The following PKN3 variants were observed in gnomAD, a reference collection of about 807,000 sequenced individuals.
The protein encoded by PKN3 is serine/threonine-protein kinase N3.
A neutral mutation model predicts 113.1 loss-of-function variants in PKN3; 91 were observed. The observed-to-expected ratio is 0.80, with a 90% confidence interval of 0.68 to 0.96. PKN3 has a LOEUF of 0.96. Ranked by LOEUF, PKN3 falls within the 40% of genes least tolerant of loss-of-function variation. The pLI is 0.00. For synonymous variants in PKN3, 467 were observed against 499.0 expected (o/e 0.94, Z 0.85); for missense variants, 1,052 against 1,202.2 (o/e 0.88, Z 1.85).
At chr9:128,717,117 C>CTTTTTTTTTTTTTTTTTTTTTGTT (rs1862364771) in intron 16 of PKN3, among the ~76,000 whole-genome samples, 194 bp downstream of exon 16, 1 of 24,364 alleles carries the variant, frequency 4.1e-5, no homozygotes, top group Non-Finnish European at 8.1e-5. Flanking sequence ...CATTAGGTTT[C>CTTTTTTTTTTTTTTTTTTTTTGTT]TTTTTTTTTT....
At position 128,707,523 on chromosome 9, in the gene PKN3, G is replaced by T. The variant is rs574388871; in HGVS notation, c.835+118G>T. On this transcript the variant is annotated intron_variant, in intron 6 of 21. Transcript: ENST00000291906. ...AGTCCTGCCCCAGCACCCACTAGCA[G>T]CGTGACCTTGGCAAACTGACATTCC... is the stretch of plus-strand genomic sequence containing the variant. 9 of 821,312 alleles carry T rather than the reference G, an allele frequency of 1.1e-5. 1 individual carries two copies. The South Asian group carries it at 1.6e-4, about 15-fold the overall frequency. 50.9% of individuals were successfully genotyped at this position (821,312 alleles called of 1,614,324 possible).
Position 128,702,885 on chromosome 9 carries a change from G to A in PKN3, c.-31G>A, listed in dbSNP as rs1199495948. 6.8e-7 allele frequency: 1 copy of A among 1,477,674 alleles called. No individual in the cohort carries two copies. The highest frequency in any genetic ancestry group is 9.0e-7 in the Non-Finnish European group (1 of 1,108,108). 91.5% of individuals were successfully genotyped at this position (1,477,674 alleles called of 1,614,324 possible). ...CGGCTTCCGGGACCGGAGTGGCTGA[G>A]AGAAGGGCCCCAAGCGGCCGGAGCG... On this transcript the variant is annotated 5_prime_UTR_variant, in exon 1 of 22. Coordinates refer to ENST00000291906, the MANE Select transcript of PKN3 (RefSeq NM_013355.5).
Position 128,702,857 on chromosome 9 carries a change from C to A in PKN3, c.-59C>A. The A allele has an allele frequency of 7.8e-7, 1 of 1,287,728 alleles. No individual in the cohort carries two copies. The highest frequency in any genetic ancestry group is 2.2e-5 in the Admixed American group (1 of 46,044). The allele number at this position is 1,287,728 out of a possible 1,614,324, so 79.8% of individuals were successfully genotyped here. A position where few individuals can be genotyped will look rare whatever the true frequency, so the allele number is the denominator to read the frequency against. On this transcript the variant is annotated 5_prime_UTR_variant, in exon 1 of 22. The change creates a new upstream start codon in the 5' untranslated region. Transcript: ENST00000291906. ...AAGTTTGAAAGTCCTGGCGGAGGGT[C>A]TGCGGCTTCCGGGACCGGAGTGGCT...
rs1861889112 is a variant in PKN3 at position 128,702,701 on chromosome 9, C to T, written c.-215C>T. On this transcript the variant is annotated 5_prime_UTR_variant, in exon 1 of 22. Transcript: ENST00000291906. Reference sequence around the variant, plus strand: ...TGGATCCGAGGGAGGCGCTGGGGCGCGGGACCTCGGGCGTGGGGTCCCGGG... The same window carrying T: ...TGGATCCGAGGGAGGCGCTGGGGCGTGGGACCTCGGGCGTGGGGTCCCGGG... 4.3e-6 allele frequency: 2 copies of T among 470,152 alleles called. No individual in the cohort carries two copies. Among genetic ancestry groups the T allele is most frequent in the South Asian group, 3.6e-5 (1 of 27,934 alleles). 29.1% of individuals were successfully genotyped at this position (470,152 alleles called of 1,614,324 possible).
chr9:128,715,041 C>T lies in PKN3; in HGVS notation c.1653-131C>T. 9.0e-7 allele frequency: 1 copy of T among 1,107,506 alleles called. No individual in the cohort carries two copies. Among genetic ancestry groups the T allele is most frequent in the Non-Finnish European group, 1.4e-6 (1 of 737,864 alleles). 68.6% of individuals were successfully genotyped at this position (1,107,506 alleles called of 1,614,324 possible). On this transcript the variant is annotated intron_variant, in intron 13 of 21. Transcript: ENST00000291906. The surrounding 1 kb of genome is among the most constrained non-coding windows in gnomAD (Gnocchi z 4.1). ...AGCTCTATGCCGGCTTCTAGGAGTC[C>T]TTACTGCAGGGCTTTTTCGAGCCCA...
At chr9:128,717,495 G>A (rs1437006052) in intron 16 of PKN3, among the ~76,000 whole-genome samples, 2 of 151,498 alleles carry the variant, frequency 1.3e-5, no homozygotes, top group African/African-American at 2.4e-5. Context: ...CACTTTGGAG[G>A]CTGAGGCGGG....
At position 128,706,987 on chromosome 9, in the gene PKN3, T is replaced by C. The variant is rs541018470; in HGVS notation, c.615T>C (p.Ser205=). Residue 205 remains serine, a synonymous_variant, in exon 5 of 22, where the codon AGT becomes AGC. Transcript: ENST00000291906. ...CCAAGAACGTGGTGAAACTGCTTAG[T>C]AGCCGGAGAACACAGGACCGCAAGG... ...EGAKNVVKLL[S]SRRTQDRKAL... 1.2e-6 allele frequency: 2 copies of C among 1,614,184 alleles called. No individual in the cohort carries two copies. Among genetic ancestry groups the C allele is most frequent in the South Asian group, 2.2e-5 (2 of 91,088 alleles).
At chr9:128,703,343 G>T in intron 1 of PKN3, 1 of 984,252 alleles carries the variant, frequency 1.0e-6, no homozygotes. Context: ...TAGAATGTGC[G>T]CGCAGCGGGG....
At chr9:128,714,737 A>T in intron 12 of PKN3, 61 bp from the exon 13 acceptor site, 2 of 1,523,490 alleles carry the variant, frequency 1.3e-6, no homozygotes, top group Non-Finnish European at 1.8e-6. Context: ...GTGGGGTGGC[A>T]GGCCTGAAGG....
chr9:128,714,574 C>T lies in PKN3; in HGVS notation c.1494C>T (p.Pro498=). 1 of 1,256,652 alleles carries T rather than the reference C, an allele frequency of 8.0e-7. No individual in the cohort carries two copies. The highest frequency in any genetic ancestry group is 1.2e-6 in the Non-Finnish European group (1 of 853,392). The allele number at this position is 1,256,652 out of a possible 1,614,324, so 77.8% of individuals were successfully genotyped here. A position where few individuals can be genotyped will look rare whatever the true frequency, so the allele number is the denominator to read the frequency against. Residue 498 remains proline (P), a synonymous_variant, in exon 12 of 22, where the codon CCC becomes CCT. Transcript: ENST00000291906. ...TTTCTCCCTACAGTAATTTCCTGCC[C>T]AAGAAGACCCCCTTGGGTGAAGAGA... The part of the protein sequence containing the change: ...SDPATPSNFL[P]KKTPLGEEMT...
chr9:128,717,117 C>CTTTCTTTTTTTTTTTTTTTTT (rs1758875729), intron 16 of PKN3, among the ~76,000 whole-genome samples, 194 bp downstream of exon 16: 1 of 24,364 alleles, frequency 4.1e-5, no homozygotes, highest in Non-Finnish European at 8.1e-5. Context: ...CATTAGGTTT[C>CTTTCTTTTTTTTTTTTTTTTT]TTTTTTTTTT....
intron 1 of PKN3, chr9:128,704,268 A>G: frequency 3.8e-6 from 2 of 521,492 alleles, no homozygotes; most frequent in Non-Finnish European, 4.9e-6. Context: ...AACCTGGGTG[A>G]AGCCGTGAGA....
chr9:128,719,967 G>GC lies in PKN3; in HGVS notation c.2331dup (p.Tyr778LeufsTer11). Reference sequence around the variant, plus strand: ...GTTTGACTGCATCGTCAACATGGACGCCCCCTACCCCGGCTTTCTGTCGGT... The same window carrying GC: ...GTTTGACTGCATCGTCAACATGGACGCCCCCCTACCCCGGCTTTCTGTCGGT... On this transcript the variant is annotated frameshift_variant, in exon 20 of 22. Coordinates refer to ENST00000291906, the MANE Select transcript of PKN3 (RefSeq NM_013355.5). LOFTEE classifies it high-confidence loss of function. 1 of 1,614,036 alleles carries GC rather than the reference G, an allele frequency of 6.2e-7. No individual in the cohort carries two copies. Among genetic ancestry groups the GC allele is most frequent in the South Asian group, 1.1e-5 (1 of 91,088 alleles).
In PKN3 at chr9:128,714,625, C is replaced by A; in HGVS notation, c.1545C>A (p.Arg515=). Reference sequence around the variant, plus strand: ...TGACACCCCCACCCAAGCCCCCACGCCTCTACCTCCCCCAGGAGCCAACAT... The same window carrying A: ...TGACACCCCCACCCAAGCCCCCACGACTCTACCTCCCCCAGGAGCCAACAT... ...EEMTPPPKPP[R]LYLPQEPTSE... is the part of the protein sequence containing the mutation. The change falls in exon 12 of 22, where the codon CGC becomes CGA. Residue 515 remains arginine, a synonymous_variant. Transcript: ENST00000291906. 1 of 1,423,622 alleles carries A rather than the reference C, an allele frequency of 7.0e-7. No homozygotes were observed. 88.2% of individuals were successfully genotyped at this position (1,423,622 alleles called of 1,614,324 possible). A position where few individuals can be genotyped will look rare whatever the true frequency, so the allele number is the denominator to read the frequency against.
intron 6 of PKN3, among the ~76,000 whole-genome samples, chr9:128,711,598 T>TCAAGTTTTTGTTTTGTTTG (rs1161108927): frequency 8.0e-5 from 12 of 149,882 alleles, no homozygotes; most frequent in East Asian, 2.0e-4. Flanking sequence ...ACGCCCGGCC[T>TCAAGTTTTTGTTTTGTTTG]TTTTTTTGGG....
chr9:128,702,975 G>A (rs757370674), intron 1 of PKN3, 36 bp downstream of exon 1: 61 of 1,347,700 alleles, frequency 4.5e-5, no homozygotes, highest in Non-Finnish European at 5.7e-5. Flanking sequence ...GGCCCGGGGG[G>A]TGCGAGAAAG....
chr9:128,720,626 T>A lies in PKN3; in HGVS notation c.*20T>A. On this transcript the variant is annotated 3_prime_UTR_variant, in exon 22 of 22. Coordinates refer to ENST00000291906, the MANE Select transcript of PKN3 (RefSeq NM_013355.5). This position sits in a 1 kb window ranked among gnomAD's most constrained non-coding sequence, Gnocchi z 5.5. ...CCCTGAGGGCATCTCCTGGCACCTC[T>A]GTCCCCTTCCCCCACAGACTGTTAG... 1 of 1,599,390 alleles carries A rather than the reference T, an allele frequency of 6.3e-7. No individual in the cohort carries two copies. The highest frequency in any genetic ancestry group is 8.6e-7 in the Non-Finnish European group (1 of 1,169,360).
chr9:128,716,469 A>G (rs1242661000), intron 15 of PKN3, among the ~76,000 whole-genome samples: 1 of 151,598 alleles, frequency 6.6e-6, no homozygotes. Context: ...GTGGTGGCGC[A>G]CTCCTATAAT....
intron 16 of PKN3, among the ~76,000 whole-genome samples, 194 bp downstream of exon 16, chr9:128,717,117 C>T (rs116943300): frequency 0.022 from 538 of 24,130 alleles, 1 homozygote; most frequent in Middle Eastern, 0.062. Flanking sequence ...CATTAGGTTT[C>T]TTTTTTTTTT....
Sources: allele counts gnomAD v4.1 joint callset (sites outside exome capture counted in the v4.1 genomes callset), GRCh38; gene constraint gnomAD v4.1.1; non-coding constraint Gnocchi (gnomAD v3.1); transcripts MANE v1.5; gene names NCBI Gene and HGNC (gene_info 2026-07-23, HGNC 2026-07-21).